RAD50: variants seen among roughly 807,000 people sequenced by gnomAD.
The protein encoded by RAD50 is RAD50 double strand break repair protein.
In RAD50, 132 loss-of-function variants were observed where a neutral mutation model predicts 168.8. The ratio of observed to expected loss-of-function variants is 0.78; its 90% CI spans 0.68 to 0.90. RAD50 has a LOEUF of 0.90. Among genes scored for constraint, RAD50 ranks in the 40% least tolerant of loss-of-function variants. RAD50 has a pLI of 0.00. For missense variants in RAD50, 1,347 were observed against 1,534.4 expected (o/e 0.88, Z 2.04); for synonymous variants, 525 against 497.4 (o/e 1.06, Z -0.74).
chr5:132,572,527 A>T (rs185381476), intron 2 of RAD50, among the ~76,000 whole-genome samples: 27 of 152,330 alleles, frequency 1.8e-4, no homozygotes, highest in African/African-American at 5.5e-4. Flanking sequence ...CCAGCTAATG[A>T]AAAGAATGCT....
At chr5:132,573,647 C>T (rs1365167409) in intron 2 of RAD50, among the ~76,000 whole-genome samples, 1 of 152,192 alleles carries the variant, frequency 6.6e-6, no homozygotes, top group African/African-American at 2.4e-5. Flanking sequence ...CAGAAGTCCA[C>T]AGTCCAGAGT....
chr5:132,632,224 A>G (rs1352641732), intron 21 of RAD50, among the ~76,000 whole-genome samples: 1 of 152,208 alleles, frequency 6.6e-6, no homozygotes, highest in East Asian at 1.9e-4. Flanking sequence ...ATTTTGTACC[A>G]CTTATACAAC....
intron 2 of RAD50, among the ~76,000 whole-genome samples, chr5:132,562,513 T>TC (rs1333548705): frequency 6.6e-6 from 1 of 152,166 alleles, no homozygotes; most frequent in Non-Finnish European, 1.5e-5. Context: ...CAAGCATAAC[T>TC]CCAAAGTTTT....
chr5:132,557,548 C>T (rs930226846), intron 1 of RAD50, 95 bp downstream of exon 1: 2 of 1,543,376 alleles, frequency 1.3e-6, no homozygotes, highest in Non-Finnish European at 1.8e-6. Flanking sequence ...GCAGAAGCGT[C>T]CCTAGGGCTC....
Position 132,644,130 on chromosome 5 carries a change from C to G in RAD50, c.*1766C>G, listed in dbSNP as rs1242678000. ...GCAGCAAAGAATAACAAAGGCAATA[C>G]ACGATCAATATAGGCAGTGAAACAA... On this transcript the variant is annotated 3_prime_UTR_variant, in exon 25 of 25. Transcript: ENST00000378823. 1 of 188,050 alleles carries G rather than the reference C, an allele frequency of 5.3e-6. No homozygotes were observed. Among genetic ancestry groups the G allele is most frequent in the Non-Finnish European group, 1.1e-5 (1 of 89,346 alleles). The allele number at this position is 188,050 out of a possible 1,614,324, so 11.6% of individuals were successfully genotyped here.
intron 2 of RAD50, among the ~76,000 whole-genome samples, chr5:132,561,686 T>C (rs143864371): frequency 6.6e-6 from 1 of 152,308 alleles, no homozygotes; most frequent in East Asian, 1.9e-4. Context: ...GCTGTTTGTT[T>C]GGATATTTAA....
At chr5:132,574,718 C>A (rs1750363874) in intron 2 of RAD50, among the ~76,000 whole-genome samples, 1 of 152,132 alleles carries the variant, frequency 6.6e-6, no homozygotes, top group Non-Finnish European at 1.5e-5. Flanking sequence ...CAAGTCACCG[C>A]TTGAATGCTT....
chr5:132,559,205 T>C (rs1238681272), intron 1 of RAD50, 79 bp from the exon 2 acceptor site: 2 of 1,310,354 alleles, frequency 1.5e-6, no homozygotes, highest in African/African-American at 1.5e-5. Flanking sequence ...TAAATAATAT[T>C]TTTGTAATGA....
At chr5:132,603,251 A>G (rs778480793) in intron 13 of RAD50, 49 bp from the exon 14 acceptor site, 1 of 1,503,932 alleles carries the variant, frequency 6.6e-7, no homozygotes, top group Non-Finnish European at 9.1e-7. Flanking sequence ...CCTCAGTCTA[A>G]CTGTGAGAAA....
At chr5:132,559,208 T>C (rs931327627) in intron 1 of RAD50, 76 bp from the exon 2 acceptor site, 6 of 1,320,940 alleles carry the variant, frequency 4.5e-6, no homozygotes, top group Middle Eastern at 2.7e-4. Context: ...ATAATATTTT[T>C]GTAATGAATT....
At chr5:132,587,010 G>A (rs1002270009) in intron 5 of RAD50, among the ~76,000 whole-genome samples, 8 of 152,202 alleles carry the variant, frequency 5.3e-5, no homozygotes, top group African/African-American at 1.9e-4. Context: ...CCAGATCCCA[G>A]TATTCCTGGG....
intron 5 of RAD50, among the ~76,000 whole-genome samples, chr5:132,586,958 G>C (rs184881414): frequency 6.6e-6 from 1 of 152,290 alleles, no homozygotes; most frequent in Admixed American, 6.5e-5. Flanking sequence ...GCAAACACTA[G>C]AAGAATATCC....
At chr5:132,595,846 A>G in intron 13 of RAD50, 36 bp downstream of exon 13, 9 of 1,540,228 alleles carry the variant, frequency 5.8e-6, no homozygotes, top group Non-Finnish European at 8.0e-6. Flanking sequence ...TACATGTAGC[A>G]GCACATTGTA....
intron 19 of RAD50, among the ~76,000 whole-genome samples, chr5:132,614,028 A>G (rs1409751560): frequency 2.0e-5 from 3 of 152,212 alleles, no homozygotes; most frequent in Non-Finnish European, 4.4e-5. Context: ...TTGAGCCTAG[A>G]TGTATCTGAC....
chr5:132,589,536 TG>T, intron 8 of RAD50, 94 bp from the exon 9 acceptor site: 1 of 988,786 alleles, frequency 1.0e-6, no homozygotes. Flanking sequence ...TGTACTTTTT[TG>T]TATTTTCTTC....
At chr5:132,578,879 A>G (rs1052699314) in intron 3 of RAD50, among the ~76,000 whole-genome samples, 4 of 152,214 alleles carry the variant, frequency 2.6e-5, no homozygotes, top group African/African-American at 7.2e-5. Flanking sequence ...AACAGTAAAG[A>G]CAGATATTGC....
At chr5:132,561,557 A>G (rs1200422278) in intron 2 of RAD50, among the ~76,000 whole-genome samples, 3 of 152,164 alleles carry the variant, frequency 2.0e-5, no homozygotes, top group Non-Finnish European at 2.9e-5. Context: ...CCTCTTCCCT[A>G]TCTCTCTTGG....
At chr5:132,611,860 T>TA (rs1212289440) in intron 19 of RAD50, among the ~76,000 whole-genome samples, 12 of 151,870 alleles carry the variant, frequency 7.9e-5, no homozygotes, top group African/African-American at 2.2e-4. Context: ...CGCAGGGCTT[T>TA]AAAAAAAATA....
intron 3 of RAD50, 40 bp from the exon 4 acceptor site, chr5:132,579,277 A>G (rs746438670): frequency 6.3e-7 from 1 of 1,578,520 alleles, no homozygotes; most frequent in East Asian, 2.2e-5. Flanking sequence ...GATACACTGA[A>G]GGTTATTTTA....
Sources: allele counts gnomAD v4.1 joint callset (sites outside exome capture counted in the v4.1 genomes callset), GRCh38; gene constraint gnomAD v4.1.1; transcripts MANE v1.5; gene names NCBI Gene and HGNC (gene_info 2026-07-23, HGNC 2026-07-21).